The following F8 variants were observed in gnomAD, a reference collection of about 807,000 sequenced individuals.
F8 encodes antihemophilic factor.
In F8, 12 loss-of-function variants were observed where a neutral mutation model predicts 140.6. The ratio of observed to expected loss-of-function variants is 0.09; its 90% CI spans 0.05 to 0.14. The LOEUF (loss-of-function observed/expected upper bound fraction) is 0.14. Ranked by LOEUF, F8 falls within the 10% of genes least tolerant of loss-of-function variation. The pLI is 1.00. For synonymous variants in F8, 585 were observed against 614.6 expected (o/e 0.95, Z 0.71); for missense variants, 1,354 against 1,720.7 (o/e 0.79, Z 3.77).
intron 1 of F8, among the ~76,000 whole-genome samples, chrX:155,004,866 G>A (rs941142809): frequency 3.6e-5 from 4 of 111,989 alleles, no homozygotes; most frequent in Non-Finnish European, 5.6e-5. Context: ...CACTAGCTTA[G>A]ACATAATACC....
At chrX:154,989,332 C>T (rs896380110) in intron 4 of F8, among the ~76,000 whole-genome samples, 1 of 111,410 alleles carries the variant, frequency 9.0e-6, no homozygotes, top group Non-Finnish European at 1.9e-5. Flanking sequence ...ACCCCATCAT[C>T]GTCAAGATAC....
At chrX:154,919,342 T>C (rs2073116978) in intron 14 of F8, among the ~76,000 whole-genome samples, 2 of 112,446 alleles carry the variant, frequency 1.8e-5, no homozygotes, top group African/African-American at 6.5e-5. Context: ...AATATTTTAG[T>C]GGACTTTTGC....
intron 22 of F8, among the ~76,000 whole-genome samples, chrX:154,873,713 G>T (rs1350363316): frequency 4.5e-5 from 5 of 112,006 alleles, no homozygotes; most frequent in African/African-American, 1.6e-4. Flanking sequence ...ACAGATTTTT[G>T]ACAAGGGTGC....
Position 154,931,173 on chromosome X carries a change from C to G in F8, c.2617G>C (p.Gly873Arg). ...TTCTCATTTAATCTTAATTGGAGGCCTGACTCAGGGGTAAATACCATGTCC... is the reference window on the plus strand; with the variant it reads ...TTCTCATTTAATCTTAATTGGAGGCGTGACTCAGGGGTAAATACCATGTCC... ...SGDMVFTPES[G>R]LQLRLNEKLG... Residue 873 changes from glycine to arginine, a missense_variant, in exon 14 of 26, where the codon GGC (glycine) becomes CGC (arginine). By Grantham distance (125) the Gly-to-Arg change is moderately radical. Around this residue, in one of 4 missense-constraint regions of F8, gnomAD observed 658 missense variants for 666.5 expected, o/e 0.99. Transcript: ENST00000360256. The G allele has an allele frequency of 2.5e-6, 3 of 1,211,141 alleles. No homozygotes were observed. Among genetic ancestry groups the G allele is most frequent in the Non-Finnish European group, 3.4e-6 (3 of 895,130 alleles).
At chrX:154,958,849 C>T (rs2073379334) in intron 10 of F8, among the ~76,000 whole-genome samples, 1 of 111,129 alleles carries the variant, frequency 9.0e-6, no homozygotes, top group African/African-American at 3.3e-5. Context: ...CTCCTGACCT[C>T]AAGTGATCTG....
chrX:154,936,061 T>G (rs188895778), intron 13 of F8, among the ~76,000 whole-genome samples: 1 of 109,303 alleles, frequency 9.1e-6, no homozygotes, highest in Non-Finnish European at 1.9e-5. Context: ...ATCCAGATTT[T>G]TTTAAAAAGA....
At chrX:154,952,375 T>C (rs1476751595) in intron 12 of F8, among the ~76,000 whole-genome samples, 3 of 111,661 alleles carry the variant, frequency 2.7e-5, no homozygotes, top group African/African-American at 9.8e-5. Context: ...CTCTGGAGAA[T>C]AATATATCAC....
rs782401768 is a variant in F8 at position 154,872,334 on chromosome X, T to G, written c.6430-9107A>C. ...TCAATGATAGACTGGATTAAGAAAA[T>G]GTAGCACATATACACCATGGAATAC... On this transcript the variant is annotated intron_variant, in intron 22 of 25. Coordinates refer to ENST00000360256, the MANE Select transcript of F8 (RefSeq NM_000132.4). 8.1e-5 allele frequency among the ~76,000 whole-genome samples: 9 copies of G among 111,573 alleles called. No homozygotes were observed. In the East Asian group the frequency reaches 2.5e-3, roughly 31 times the overall value.
rs1377903250 is a variant in F8, at chrX:154,966,600, T to A, written c.1097A>T (p.Asp366Val). Residue 366 changes from aspartate (D) to valine (V), a missense_variant, in exon 8 of 26, where the codon GAT becomes GTT. By Grantham distance (152) the Asp-to-Val change is radical. Around this residue, in one of 4 missense-constraint regions of F8, gnomAD observed 252 missense variants for 338.5 expected, o/e 0.74. Coordinates refer to ENST00000360256, the MANE Select transcript of F8 (RefSeq NM_000132.4). ...CATTTCAGAATCAGTAAGATCATCA[T>A]CATAGTCTTCCGCTTCTTCATTATT... is the stretch of plus-strand genomic sequence containing the variant. ...MKNNEEAEDYDDDLTDSEMDV... is the reference protein window; with the variant it reads ...MKNNEEAEDYVDDLTDSEMDV... 2.5e-6 allele frequency: 3 copies of A among 1,209,207 alleles called. No individual in the cohort carries two copies. The African/African-American group carries it at 5.3e-5, about 21-fold the overall frequency.
chrX:154,899,562 C>T (rs1387842945), intron 21 of F8, among the ~76,000 whole-genome samples: 1 of 111,806 alleles, frequency 8.9e-6, no homozygotes, highest in Non-Finnish European at 1.9e-5. Context: ...CTTAAGGACA[C>T]GTGGGCAGTT....
intron 1 of F8, among the ~76,000 whole-genome samples, chrX:155,015,651 C>T (rs6420804): frequency 0.011 from 1,241 of 111,014 alleles, 18 homozygotes; most frequent in African/African-American, 0.038. Flanking sequence ...ACACTGGAGA[C>T]GACTAGAGGA....
At chrX:154,945,613 A>G (rs1301618495) in intron 13 of F8, among the ~76,000 whole-genome samples, 1 of 112,276 alleles carries the variant, frequency 8.9e-6, no homozygotes, top group Non-Finnish European at 1.9e-5. Flanking sequence ...AATGCCATAT[A>G]TGACAAACTA....
At chrX:154,972,707 C>CTTTTTTTTTTTTTTTTTTTTTT (rs1184930129) in intron 6 of F8, among the ~76,000 whole-genome samples, 5 of 55,280 alleles carry the variant, frequency 9.0e-5, no homozygotes, top group African/African-American at 2.0e-4. Flanking sequence ...TTCTGTCTTT[C>CTTTTTTTTTTTTTTTTTTTTTT]TTTTTTTTTT....
At chrX:154,983,627 G>T (rs1177221061) in intron 6 of F8, among the ~76,000 whole-genome samples, 2 of 112,198 alleles carry the variant, frequency 1.8e-5, no homozygotes, top group Non-Finnish European at 3.8e-5. Flanking sequence ...GGGATTACAG[G>T]TGTTCCAGTA....
At chrX:154,961,436 C>T (rs2073395114) in intron 9 of F8, among the ~76,000 whole-genome samples, 1 of 111,818 alleles carries the variant, frequency 8.9e-6, no homozygotes, top group Admixed American at 9.5e-5. Flanking sequence ...AACATATGCA[C>T]ATCCTCTCAT....
intron 4 of F8, among the ~76,000 whole-genome samples, chrX:154,991,033 C>T (rs781959013): frequency 8.9e-6 from 1 of 112,193 alleles, no homozygotes; most frequent in South Asian, 3.7e-4. Flanking sequence ...AAGTAATGTG[C>T]TTTTCCCCCA....
intron 7 of F8, among the ~76,000 whole-genome samples, chrX:154,969,024 G>C (rs1356691900): frequency 9.0e-6 from 1 of 110,613 alleles, no homozygotes; most frequent in African/African-American, 3.3e-5. Context: ...ATGGGATAAG[G>C]CTGAGAAACC....
In F8 at chrX:155,001,021, A is replaced by G. The variant is rs193161243; in HGVS notation, c.144-1421T>C. Among the ~76,000 whole-genome samples the G allele has an allele frequency of 3.6e-5, 4 of 111,617 alleles. No homozygotes were observed. In the Admixed American group the frequency reaches 3.8e-4, roughly 11 times the overall value. ...CCACACCATGCCTCAGATTACCAGG[A>G]TGTGGAATGAATAAGAAGGGGTCTG... On this transcript the variant is annotated intron_variant, in intron 1 of 25. Transcript: ENST00000360256.
intron 14 of F8, among the ~76,000 whole-genome samples, chrX:154,925,009 C>T (rs1404983823): frequency 8.9e-6 from 1 of 112,222 alleles, no homozygotes; most frequent in African/African-American, 3.2e-5. Context: ...GGTGTGAAGA[C>T]CTCTGACATG....
Sources: gnomAD v4.1 joint callset for allele counts (sites outside exome capture counted in the v4.1 genomes callset) on GRCh38, gnomAD v4.1.1 for gene constraint, gnomAD v4.1.1 regional missense constraint, MANE v1.5 for transcripts, NCBI Gene and HGNC (gene_info 2026-07-23, HGNC 2026-07-21) for gene names.